WDR82: variants seen among roughly 807,000 people sequenced by gnomAD.
WDR82 encodes the protein WD repeat-containing protein 82.
A neutral mutation model predicts 36.1 loss-of-function variants in WDR82; 8 were observed. The observed-to-expected ratio is 0.22, with a 90% CI of 0.13 to 0.40. The LOEUF (loss-of-function observed/expected upper bound fraction) is 0.40. WDR82 is among the 10% of genes least tolerant of loss of function. The pLI is 1.00. For synonymous variants in WDR82, 129 were observed against 137.8 expected (o/e 0.94, Z 0.45); for missense variants, 185 against 400.5 (o/e 0.46, Z 4.59).
At chr3:52,274,898 C>G (rs1700189014) in intron 1 of WDR82, among the ~76,000 whole-genome samples, 1 of 149,614 alleles carries the variant, frequency 6.7e-6, no homozygotes, top group South Asian at 2.1e-4. Context: ...GAGGCAGTCT[C>G]AAAAACAAAA....
At chr3:52,266,866 C>A in intron 3 of WDR82, 86 bp downstream of exon 3, 1 of 1,145,008 alleles carries the variant, frequency 8.7e-7, no homozygotes, top group Non-Finnish European at 1.3e-6. Flanking sequence ...AGCTTCAGTT[C>A]ACTAATAAGC....
Position 52,269,711 on chromosome 3 carries a change from C to G in WDR82, c.259+1001G>C, listed in dbSNP as rs540227731. 2.6e-5 allele frequency among the ~76,000 whole-genome samples: 4 copies of G among 152,198 alleles called. No individual in the cohort carries two copies. In the South Asian group the frequency reaches 8.3e-4, roughly 32 times the overall value. On this transcript the variant is annotated intron_variant, in intron 2 of 8. Coordinates refer to ENST00000296490, the MANE Select transcript of WDR82 (RefSeq NM_025222.4). The stretch of plus-strand genomic sequence containing the variant: ...CGCCACTGCACTCCAGCCTAGGCAA[C>G]AGAGTGAGACTCTGTCTCAAAAAAT...
At chr3:52,263,282 A>G (rs1430481275) in intron 3 of WDR82, among the ~76,000 whole-genome samples, 2 of 152,360 alleles carry the variant, frequency 1.3e-5, no homozygotes, top group East Asian at 3.9e-4. Flanking sequence ...TTAACTGTCC[A>G]GTCCACATGA....
intron 3 of WDR82, among the ~76,000 whole-genome samples, chr3:52,262,212 T>A (rs142204393): frequency 2.0e-5 from 3 of 152,324 alleles, no homozygotes; most frequent in Non-Finnish European, 4.4e-5. Flanking sequence ...GGCAAATCTA[T>A]AAAGACAGAA....
intron 3 of WDR82, among the ~76,000 whole-genome samples, chr3:52,263,792 C>T (rs1211102093): frequency 5.3e-5 from 8 of 152,214 alleles, no homozygotes; most frequent in Non-Finnish European, 1.2e-4. Flanking sequence ...AAAAAGGTAA[C>T]AATGATGGAC....
At chr3:52,267,949 C>T (rs1302575742) in intron 2 of WDR82, 1 of 159,830 alleles carries the variant, frequency 6.3e-6, no homozygotes, top group Non-Finnish European at 1.4e-5. Context: ...TGAAGGCAAA[C>T]AGAACATAGG....
chr3:52,266,530 T>C (rs1256224930), intron 3 of WDR82, among the ~76,000 whole-genome samples: 4 of 152,044 alleles, frequency 2.6e-5, no homozygotes, highest in South Asian at 2.1e-4. Flanking sequence ...CTCTGCCTCC[T>C]GGGTTCAAGC....
chr3:52,267,366 TG>T (rs1393927214), intron 2 of WDR82: 3 of 235,130 alleles, frequency 1.3e-5, no homozygotes, highest in Non-Finnish European at 1.7e-5. Flanking sequence ...TTTTAGATAC[TG>T]GTCTAGTGTC....
chr3:52,267,789 G>A (rs1462603517), intron 2 of WDR82: 6 of 152,442 alleles, frequency 3.9e-5, no homozygotes, highest in Non-Finnish European at 7.3e-5. Flanking sequence ...ACATGGTGGC[G>A]GTAGAGAAAT....
At chr3:52,272,033 T>TA (rs1184248698) in intron 1 of WDR82, among the ~76,000 whole-genome samples, 1 of 152,124 alleles carries the variant, frequency 6.6e-6, no homozygotes, top group Non-Finnish European at 1.5e-5. Flanking sequence ...GAGGTTGCAG[T>TA]AAGCCAAGAT....
intron 7 of WDR82, 131 bp from the exon 8 acceptor site, chr3:52,258,809 A>T: frequency 2.3e-6 from 3 of 1,292,918 alleles, no homozygotes; most frequent in Non-Finnish European, 3.2e-6. Flanking sequence ...ATTGAGAGGG[A>T]GGAGAGGCAG....
intron 2 of WDR82, 57 bp from the exon 3 acceptor site, chr3:52,267,075 T>G: frequency 7.2e-7 from 1 of 1,386,756 alleles, no homozygotes; most frequent in Non-Finnish European, 1.0e-6. Flanking sequence ...AAATTTACTT[T>G]ACATTTTCAT....
At chr3:52,271,382 A>C (rs1700152079) in intron 1 of WDR82, among the ~76,000 whole-genome samples, 1 of 152,200 alleles carries the variant, frequency 6.6e-6, no homozygotes. Context: ...TTATACCGTC[A>C]GGTTTGTGTA....
chr3:52,260,435 C>A lies in WDR82; in HGVS notation c.493G>T (p.Gly165Cys). 6.3e-7 allele frequency: 1 copy of A among 1,595,972 alleles called. No homozygotes were observed. Among genetic ancestry groups the A allele is most frequent in the Non-Finnish European group, 8.5e-7 (1 of 1,173,678 alleles). The change falls in exon 5 of 9, where the codon GGT becomes TGT. Residue 165 changes from glycine (G) to cysteine (C), a missense_variant. Transcript: ENST00000296490. ...FDPEGLIFAA[G>C]VNSEMVKLYD... ...AGCTTGACCATTTCAGAGTTGACACCTGCAGCGAAAATTAACCCTTCTGGA... is the reference window on the plus strand; with the variant it reads ...AGCTTGACCATTTCAGAGTTGACACATGCAGCGAAAATTAACCCTTCTGGA...
At chr3:52,267,139 T>C in intron 2 of WDR82, 121 bp from the exon 3 acceptor site, 1 of 720,290 alleles carries the variant, frequency 1.4e-6, no homozygotes, top group Admixed American at 2.4e-5. Flanking sequence ...AAGCAAGGCA[T>C]GAATAAATAA....
At chr3:52,272,249 T>C (rs1057512598) in intron 1 of WDR82, among the ~76,000 whole-genome samples, 18 of 152,236 alleles carry the variant, frequency 1.2e-4, no homozygotes, top group African/African-American at 4.1e-4. Context: ...CTGGTTAAGT[T>C]AGAAAAATTT....
At chr3:52,260,580 A>T (rs1222710438) in intron 4 of WDR82, 79 bp from the exon 5 acceptor site, 2 of 938,076 alleles carry the variant, frequency 2.1e-6, no homozygotes, top group East Asian at 5.8e-5. Context: ...CTGCTGGTAC[A>T]ATGGGGAAAA....
chr3:52,257,860 C>G (rs1283811021), intron 8 of WDR82, among the ~76,000 whole-genome samples: 1 of 151,974 alleles, frequency 6.6e-6, no homozygotes, highest in African/African-American at 2.4e-5. Flanking sequence ...TTACCTCCAA[C>G]AGGCCCCCAC....
In WDR82 at chr3:52,255,047, A is replaced by C. The variant is rs1261864551; in HGVS notation, c.*2443T>G. ...AACCTCCGCCTCCTGGGTTCAAGCAATTCTCCTGCCTCAGCCTCCCAAGTA... is the reference window on the plus strand; with the variant it reads ...AACCTCCGCCTCCTGGGTTCAAGCACTTCTCCTGCCTCAGCCTCCCAAGTA... On this transcript the variant is annotated 3_prime_UTR_variant, in exon 9 of 9. Coordinates refer to ENST00000296490, the MANE Select transcript of WDR82 (RefSeq NM_025222.4). The C allele has an allele frequency of 1.3e-5, 2 of 151,826 alleles. No individual in the cohort carries two copies. The highest frequency in any genetic ancestry group is 2.4e-5 in the African/African-American group (1 of 41,220). 9.4% of individuals were successfully genotyped at this position (151,826 alleles called of 1,614,324 possible).
Sources: gnomAD v4.1 joint callset for allele counts (sites outside exome capture counted in the v4.1 genomes callset) on GRCh38, gnomAD v4.1.1 for gene constraint, MANE v1.5 for transcripts, NCBI Gene and HGNC (gene_info 2026-07-23, HGNC 2026-07-21) for gene names.